Variants in HMCN2 observed in about 807,000 individuals in gnomAD.
The protein encoded by HMCN2 is hemicentin-2.
Under a neutral mutation model 377.5 loss-of-function variants are expected in HMCN2, and 325 were observed. The ratio of observed to expected loss-of-function variants is 0.86; its 90% CI spans 0.79 to 0.94. The LOEUF (loss-of-function observed/expected upper bound fraction) is 0.94, where lower values mean the gene tolerates loss of function less well. Ranked by LOEUF, HMCN2 falls within the 40% of genes least tolerant of loss-of-function variation. The pLI, the probability that HMCN2 is intolerant of heterozygous loss-of-function variation, is 0.00. For synonymous variants in HMCN2, 2,007 were observed against 2,046.8 expected (o/e 0.98, Z 0.53); for missense variants, 4,543 against 4,725.3 (o/e 0.96, Z 1.13).
intron 15 of HMCN2, among the ~76,000 whole-genome samples, chr9:130,314,209 C>A (rs1407648554): frequency 6.6e-6 from 1 of 152,168 alleles, no homozygotes; most frequent in Non-Finnish European, 1.5e-5. Flanking sequence ...ACTAAAGACT[C>A]TCCGGCCATC....
chr9:130,361,319 G>A lies in HMCN2; in HGVS notation c.5951-689G>A, dbSNP rs760324410. ...TGACTTGGCCTGTGGAGTCCAGGAG[G>A]CATCTTTGACACTTGGATACCTACA... On this transcript the variant is annotated intron_variant, in intron 38 of 97. Coordinates refer to ENST00000683500, the MANE Select transcript of HMCN2 (RefSeq NM_001291815.2). This position sits in a 1 kb window ranked among gnomAD's most constrained non-coding sequence, Gnocchi z 4.8. Among the ~76,000 whole-genome samples the A allele has an allele frequency of 1.3e-5, 2 of 152,208 alleles. No homozygotes were observed. The highest frequency in any genetic ancestry group is 2.9e-5 in the Non-Finnish European group (2 of 68,028).
intron 45 of HMCN2, among the ~76,000 whole-genome samples, chr9:130,370,530 TAG>T (rs1407207443): frequency 6.6e-6 from 1 of 152,088 alleles, no homozygotes; most frequent in African/African-American, 2.4e-5. Flanking sequence ...CCCCCCTGGG[TAG>T]AGAGTGGCTT....
At chr9:130,309,212 A>G (rs1372957056) in intron 14 of HMCN2, among the ~76,000 whole-genome samples, 2 of 152,188 alleles carry the variant, frequency 1.3e-5, no homozygotes, top group Admixed American at 1.3e-4. Flanking sequence ...GAAGTCAGGC[A>G]AGAAAAATGG....
chr9:130,428,338 C>G lies in HMCN2; in HGVS notation c.14066-20C>G, dbSNP rs1268190222. Reference sequence around the variant, plus strand: ...CTGGGGATCATGTTCACACAGCCGTCTGCCCTGATCTGCCCCCAGATGTGG... The same window carrying G: ...CTGGGGATCATGTTCACACAGCCGTGTGCCCTGATCTGCCCCCAGATGTGG... On this transcript the variant is annotated intron_variant, in intron 92 of 97. Coordinates refer to ENST00000683500, the MANE Select transcript of HMCN2 (RefSeq NM_001291815.2). This position sits in a 1 kb window ranked among gnomAD's most constrained non-coding sequence, Gnocchi z 5.0. The G allele has an allele frequency of 1.3e-5, 20 of 1,532,506 alleles. No individual in the cohort carries two copies. The East Asian group carries it at 4.9e-4, about 38-fold the overall frequency. 94.9% of individuals were successfully genotyped at this position (1,532,506 alleles called of 1,614,324 possible).
intron 85 of HMCN2, among the ~76,000 whole-genome samples, chr9:130,418,332 G>T (rs963421316): frequency 1.3e-5 from 2 of 152,142 alleles, no homozygotes; most frequent in African/African-American, 4.8e-5. Flanking sequence ...AGACTGAGGC[G>T]GGTGGATCAC....
rs571049618 is a variant in HMCN2, at chr9:130,397,819, A to G, written c.11326+164A>G. Among the ~76,000 whole-genome samples, 34 of 152,296 alleles carry G rather than the reference A, an allele frequency of 2.2e-4. 1 individual carries two copies. Among genetic ancestry groups the G allele is most frequent in the African/African-American group, 7.5e-4 (31 of 41,558 alleles). ...AGTTGTGATCATGCACACTCAAAGG[A>G]CACAGATGTATTTTAGTGCATATAT... On this transcript the variant is annotated intron_variant, in intron 74 of 97. Transcript: ENST00000683500.
Position 130,355,833 on chromosome 9 carries a change from G to A in HMCN2, c.5234G>A (p.Gly1745Asp), listed in dbSNP as rs1453776841. The change falls in exon 33 of 98, where the codon GGC becomes GAC. Residue 1745 changes from glycine (G) to aspartate (D), a missense_variant. Coordinates refer to ENST00000683500, the MANE Select transcript of HMCN2 (RefSeq NM_001291815.2). ...CTGGAACTTCCCTGCCAGGCCTCAG[G>A]CTCCCCAGTACCCACTATCCAGTGA... Reference protein sequence around the residue: ...QPLELPCQASGSPVPTIQWLQ... With the variant: ...QPLELPCQASDSPVPTIQWLQ... The A allele has an allele frequency of 7.7e-7, 1 of 1,303,218 alleles. No individual in the cohort carries two copies. Among genetic ancestry groups the A allele is most frequent in the Non-Finnish European group, 1.0e-6 (1 of 988,538 alleles). 80.7% of individuals were successfully genotyped at this position (1,303,218 alleles called of 1,614,324 possible). A position where few individuals can be genotyped will look rare whatever the true frequency, so the allele number is the denominator to read the frequency against.
chr9:130,358,360 G>A (rs1187035991), intron 35 of HMCN2, 30 bp from the exon 36 acceptor site: 1 of 1,304,056 alleles, frequency 7.7e-7, no homozygotes, highest in Non-Finnish European at 1.0e-6. Context: ...GGACAGCCCT[G>A]TGGCATACTC....
At chr9:130,306,709 A>G in intron 12 of HMCN2, 102 bp from the exon 13 acceptor site, 1 of 409,444 alleles carries the variant, frequency 2.4e-6, no homozygotes, top group Non-Finnish European at 5.2e-6. Context: ...CCATCAGTAC[A>G]GAATGGTCGT....
intron 62 of HMCN2, 116 bp downstream of exon 62, chr9:130,388,656 C>T: frequency 1.5e-6 from 1 of 666,792 alleles, no homozygotes; most frequent in Non-Finnish European, 1.8e-6. Flanking sequence ...AAACCAGAGA[C>T]TGGCAGTGCC....
chr9:130,385,190 C>A (rs1415674135), intron 59 of HMCN2, among the ~76,000 whole-genome samples: 2 of 151,926 alleles, frequency 1.3e-5, no homozygotes, highest in Non-Finnish European at 2.9e-5. Flanking sequence ...TGTGGGCTCA[C>A]AGCCATGGGG....
Position 130,425,762 on chromosome 9 carries a change from G to A in HMCN2, c.13717G>A (p.Gly4573Ser), listed in dbSNP as rs759205212. ...CTCCACACAGCGCTTCTTCCAGGGC[G>A]GCCTCCCCTCGTTCCTACGCTGCAA... ...VGSTQRFFQGGLPSFLRCNHS... is the reference protein window; with the variant it reads ...VGSTQRFFQGSLPSFLRCNHS... The change falls in exon 90 of 98, where the codon GGC becomes AGC. Residue 4573 changes from glycine to serine, a missense_variant. By Grantham distance (56) the Gly-to-Ser change is moderately conservative. Coordinates refer to ENST00000683500, the MANE Select transcript of HMCN2 (RefSeq NM_001291815.2). 20 of 1,550,392 alleles carry A rather than the reference G, an allele frequency of 1.3e-5. No homozygotes were observed. The South Asian group carries it at 1.8e-4, about 14-fold the overall frequency.
At chr9:130,381,960 G>A (rs891576547) in intron 54 of HMCN2, among the ~76,000 whole-genome samples, 12 of 152,150 alleles carry the variant, frequency 7.9e-5, no homozygotes, top group African/African-American at 2.7e-4. Context: ...GGGACAGGCC[G>A]AGAATGTGCA....
At chr9:130,322,429 A>G (rs911258047) in intron 19 of HMCN2, among the ~76,000 whole-genome samples, 2 of 152,128 alleles carry the variant, frequency 1.3e-5, no homozygotes, top group African/African-American at 4.8e-5. Flanking sequence ...TTAAAAACCA[A>G]ATAGGATCAC....
Position 130,422,824 on chromosome 9 carries a change from GC to G in HMCN2, c.13381+102del. The G allele has an allele frequency of 9.6e-7, 1 of 1,036,678 alleles. No individual in the cohort carries two copies. 64.2% of individuals were successfully genotyped at this position (1,036,678 alleles called of 1,614,324 possible). On this transcript the variant is annotated intron_variant, in intron 87 of 97. Coordinates refer to ENST00000683500, the MANE Select transcript of HMCN2 (RefSeq NM_001291815.2). This position sits in a 1 kb window ranked among gnomAD's most constrained non-coding sequence, Gnocchi z 4.2. Reference sequence around the variant, plus strand: ...TGGACCTAGGAGGCGCAGAGCCTGTGCCCCGAGACTTGCTCAAGGCCTGATG... The same window carrying G: ...TGGACCTAGGAGGCGCAGAGCCTGTGCCCGAGACTTGCTCAAGGCCTGATG...
intron 8 of HMCN2, among the ~76,000 whole-genome samples, chr9:130,299,783 T>C (rs1483900278): frequency 7.1e-6 from 1 of 140,560 alleles, no homozygotes; most frequent in East Asian, 2.3e-4. Context: ...ACCCACCCAT[T>C]CATCCACTCA....
At chr9:130,266,170 C>A (rs1554918929) in intron 1 of HMCN2, 33 bp downstream of exon 1, 1 of 452,722 alleles carries the variant, frequency 2.2e-6, no homozygotes, top group Non-Finnish European at 4.5e-6. Context: ...CGCCGGGCGC[C>A]CCCTTCGAGG....
chr9:130,429,666 C>A lies in HMCN2; in HGVS notation c.14307C>A (p.Gly4769=), dbSNP rs559408707. The A allele has an allele frequency of 1.3e-6, 2 of 1,537,600 alleles. No homozygotes were observed. The highest frequency in any genetic ancestry group is 2.7e-5 in the African/African-American group (2 of 72,732). The stretch of plus-strand genomic sequence containing the variant: ...GCCCCAGGGGTTACCGGATGCAGGG[C>A]CCCAGCCTGCCCTGCCTAGGTACGG... The part of the protein sequence containing the change: ...CSCPRGYRMQ[G]PSLPCLDVNE... The change falls in exon 94 of 98, where the codon GGC becomes GGA. Residue 4769 remains glycine, a synonymous_variant. Transcript: ENST00000683500.
chr9:130,363,186 G>C (rs889684872), intron 40 of HMCN2, among the ~76,000 whole-genome samples, 196 bp downstream of exon 40: 1 of 151,882 alleles, frequency 6.6e-6, no homozygotes, highest in African/African-American at 2.4e-5. Context: ...TGGGTGGGAG[G>C]GTGGGCAGGT....
Sources: allele counts gnomAD v4.1 joint callset (sites outside exome capture counted in the v4.1 genomes callset), GRCh38; gene constraint gnomAD v4.1.1; non-coding constraint Gnocchi (gnomAD v3.1); transcripts MANE v1.5; gene names NCBI Gene and HGNC (gene_info 2026-07-23, HGNC 2026-07-21).